Variants in PRKG1 observed in about 807,000 individuals in gnomAD.
The protein encoded by PRKG1 is cGMP-dependent protein kinase 1.
PRKG1 carries 35 observed loss-of-function variants against 88.1 expected under a neutral mutation model. That is an observed-to-expected ratio of 0.40 (90% confidence interval 0.30 to 0.53). PRKG1 has a LOEUF of 0.53. Ranked by LOEUF, PRKG1 falls within the 20% of genes least tolerant of loss-of-function variation. PRKG1 has a pLI of 0.59. For synonymous variants in PRKG1, 303 were observed against 292.5 expected (o/e 1.04, Z -0.37); for missense variants, 540 against 839.8 (o/e 0.64, Z 4.41).
chr10:51,628,016 T>TCTCTCTC (rs1839405871), intron 3 of PRKG1, among the ~76,000 whole-genome samples: 1 of 69,876 alleles, frequency 1.4e-5, no homozygotes, highest in Admixed American at 1.7e-4. Flanking sequence ...CTCTCTTTCT[T>TCTCTCTC]TCTTTCTTTC....
intron 3 of PRKG1, among the ~76,000 whole-genome samples, chr10:51,789,397 T>C (rs1219859473): frequency 6.6e-6 from 1 of 152,154 alleles, no homozygotes; most frequent in East Asian, 1.9e-4. Flanking sequence ...AAATGTGAGG[T>C]GTTTGGAGCT....
chr10:52,108,267 G>A (rs1847472353), intron 7 of PRKG1, among the ~76,000 whole-genome samples: 1 of 152,188 alleles, frequency 6.6e-6, no homozygotes, highest in South Asian at 2.1e-4. Context: ...ACATCACACA[G>A]TGAAATTATA....
At chr10:52,192,868 AT>A (rs942290415) in intron 9 of PRKG1, among the ~76,000 whole-genome samples, 7 of 151,610 alleles carry the variant, frequency 4.6e-5, no homozygotes, top group Admixed American at 2.6e-4. Context: ...TAAGCTGTAG[AT>A]TTTTTTTTCA....
At chr10:51,919,153 A>G (rs1842407857) in intron 5 of PRKG1, among the ~76,000 whole-genome samples, 1 of 152,134 alleles carries the variant, frequency 6.6e-6, no homozygotes, top group Non-Finnish European at 1.5e-5. Flanking sequence ...AGGGCAACCT[A>G]CTGCTTCCCT....
At position 51,549,307 on chromosome 10, in the gene PRKG1, G is replaced by A. The variant is rs900156009; in HGVS notation, c.592+81471G>A. ...GCCCAGCTAATTTTTTGTATTTTTA[G>A]TAGAGACAGGATTTCACCATGTTAG... On this transcript the variant is annotated intron_variant, in intron 3 of 17. Coordinates refer to ENST00000373980, the MANE Select transcript of PRKG1 (RefSeq NM_006258.4). 2.6e-5 allele frequency among the ~76,000 whole-genome samples: 4 copies of A among 151,022 alleles called. No individual in the cohort carries two copies. In the South Asian group the frequency reaches 6.3e-4, roughly 24 times the overall value.
intron 4 of PRKG1, among the ~76,000 whole-genome samples, chr10:51,895,294 T>C (rs574415453): frequency 6.6e-6 from 1 of 152,218 alleles, no homozygotes; most frequent in Non-Finnish European, 1.5e-5. Flanking sequence ...AGCCCTGTCC[T>C]TGAACTTTTC....
At position 51,488,329 on chromosome 10, in the gene PRKG1, G is replaced by A. The variant is rs996530829; in HGVS notation, c.592+20493G>A. On this transcript the variant is annotated intron_variant, in intron 3 of 17. Transcript: ENST00000373980. ...TTCTAGGTTTTTAAATGGACTACAA[G>A]TTCTAATTCCTAACTAATGCCCTTT... Among the ~76,000 whole-genome samples the A allele has an allele frequency of 4.6e-5, 7 of 152,132 alleles. No individual in the cohort carries two copies. The South Asian group carries it at 8.3e-4, about 18-fold the overall frequency.
intron 2 of PRKG1, among the ~76,000 whole-genome samples, chr10:51,339,560 A>C (rs1841956826): frequency 6.6e-6 from 1 of 151,906 alleles, no homozygotes; most frequent in Non-Finnish European, 1.5e-5. Flanking sequence ...AGTAAATAAA[A>C]ATTTCATAAG....
intron 1 of PRKG1, among the ~76,000 whole-genome samples, chr10:51,140,525 A>G (rs1207127088): frequency 1.3e-5 from 2 of 152,232 alleles, no homozygotes; most frequent in African/African-American, 4.8e-5. Flanking sequence ...TTGCATAACC[A>G]TTATTTTAAC....
intron 1 of PRKG1, among the ~76,000 whole-genome samples, chr10:51,003,131 A>G (rs1842905950): frequency 1.3e-5 from 2 of 152,156 alleles, no homozygotes; most frequent in South Asian, 4.1e-4. Flanking sequence ...GGTAGATTGA[A>G]TGTTGGGTAT....
At chr10:51,330,145 ATTTTTTATTTATTTT>A (rs746353896) in intron 2 of PRKG1, among the ~76,000 whole-genome samples, 5,589 of 96,668 alleles carry the variant, frequency 0.058, 144 homozygotes, top group South Asian at 0.11. Context: ...TTATTTATTT[ATTTTTTATTTATTTT>A]TTTTTTTTGA....
intron 3 of PRKG1, among the ~76,000 whole-genome samples, chr10:51,675,625 C>T (rs750622270): frequency 6.6e-6 from 1 of 152,140 alleles, no homozygotes; most frequent in Non-Finnish European, 1.5e-5. Flanking sequence ...CTTATCTACC[C>T]AAAGTGTTTC....
chr10:52,187,600 T>C (rs1448035242), intron 9 of PRKG1, among the ~76,000 whole-genome samples: 1 of 152,222 alleles, frequency 6.6e-6, no homozygotes, highest in African/African-American at 2.4e-5. Flanking sequence ...TCTGTCAACA[T>C]GGTTTCATTA....
chr10:51,558,197 A>G (rs974729230), intron 3 of PRKG1, among the ~76,000 whole-genome samples: 8 of 152,084 alleles, frequency 5.3e-5, no homozygotes, highest in Non-Finnish European at 1.2e-4. Context: ...GTCATTTTCA[A>G]TTGTGTGGGA....
intron 2 of PRKG1, among the ~76,000 whole-genome samples, chr10:51,209,204 G>A (rs557808156): frequency 2.0e-5 from 3 of 152,166 alleles, no homozygotes; most frequent in Admixed American, 6.6e-5. Flanking sequence ...TGTCTGAAAC[G>A]TTTTCCTTTT....
intron 3 of PRKG1, among the ~76,000 whole-genome samples, chr10:51,480,534 G>T (rs1045968489): frequency 6.6e-6 from 1 of 150,968 alleles, no homozygotes; most frequent in African/African-American, 2.4e-5. Context: ...TGATGGTATT[G>T]TAGCTGAGAT....
At chr10:51,147,440 A>G (rs1335540859) in intron 1 of PRKG1, among the ~76,000 whole-genome samples, 1 of 21,684 alleles carries the variant, frequency 4.6e-5, no homozygotes, top group Non-Finnish European at 8.0e-5. Flanking sequence ...AAGTAAAAGG[A>G]AAAAAAAAAC....
chr10:51,645,757 T>G (rs1839900998), intron 3 of PRKG1, among the ~76,000 whole-genome samples: 3 of 152,136 alleles, frequency 2.0e-5, no homozygotes, highest in African/African-American at 7.2e-5. Context: ...CAGTGAAACT[T>G]CAGATACATC....
chr10:51,709,355 G>A (rs78331113), intron 3 of PRKG1, among the ~76,000 whole-genome samples: 10,767 of 152,148 alleles, frequency 0.071, 402 homozygotes, highest in East Asian at 0.086. Flanking sequence ...CAAAATCATA[G>A]CAACAATTCT....
Sources: gnomAD v4.1 joint callset for allele counts (sites outside exome capture counted in the v4.1 genomes callset) on GRCh38, gnomAD v4.1.1 for gene constraint, MANE v1.5 for transcripts, NCBI Gene and HGNC (gene_info 2026-07-23, HGNC 2026-07-21) for gene names.